The following SORCS3 variants were observed in gnomAD, a reference collection of about 807,000 sequenced individuals.
The protein encoded by SORCS3 is VPS10 domain-containing receptor SorCS3.
In SORCS3, 57 loss-of-function variants were observed where a neutral mutation model predicts 146.3. That is an observed-to-expected ratio of 0.39 (90% CI 0.31 to 0.49). The LOEUF is 0.49. Among genes scored for constraint, SORCS3 ranks in the 20% least tolerant of loss-of-function variants. SORCS3 has a pLI of 0.92. For missense variants in SORCS3, 1,341 were observed against 1,575.5 expected, an observed-to-expected ratio of 0.85 and a Z score of 2.52; for synonymous variants, 653 against 618.5, an observed-to-expected ratio of 1.06 and a Z score of -0.83.
chr10:104,982,389 G>C (rs1292302799), intron 4 of SORCS3, among the ~76,000 whole-genome samples: 1 of 152,156 alleles, frequency 6.6e-6, no homozygotes, highest in Admixed American at 6.5e-5. Context: ...TAATTTTGTT[G>C]AGATCCTCCA....
intron 1 of SORCS3, among the ~76,000 whole-genome samples, chr10:104,714,247 T>G (rs2016451623): frequency 6.6e-6 from 1 of 152,114 alleles, no homozygotes; most frequent in Non-Finnish European, 1.5e-5. Flanking sequence ...GTTTTCAAGT[T>G]CACTGAATTT....
chr10:105,090,802 A>C (rs1382869782), intron 6 of SORCS3, among the ~76,000 whole-genome samples: 1 of 152,074 alleles, frequency 6.6e-6, no homozygotes, highest in Admixed American at 6.5e-5. Flanking sequence ...AATCAAATAG[A>C]AGATGAATAT....
intron 2 of SORCS3, among the ~76,000 whole-genome samples, chr10:104,886,763 G>C (rs2018692919): frequency 6.6e-6 from 1 of 152,124 alleles, no homozygotes; most frequent in South Asian, 2.1e-4. Context: ...GAAAATATTT[G>C]TTCCTAGACT....
chr10:104,790,321 A>T (rs929345676), intron 1 of SORCS3, among the ~76,000 whole-genome samples: 4 of 150,998 alleles, frequency 2.6e-5, no homozygotes, highest in Non-Finnish European at 5.9e-5. Flanking sequence ...ATGGAGAAGT[A>T]AGAGAAGAGG....
chr10:104,943,945 G>T (rs1462679063), intron 3 of SORCS3, among the ~76,000 whole-genome samples: 3 of 152,064 alleles, frequency 2.0e-5, no homozygotes, highest in East Asian at 1.9e-4. Flanking sequence ...TTGAGATGGG[G>T]TCTTGCTCTG....
intron 1 of SORCS3, among the ~76,000 whole-genome samples, chr10:104,821,405 A>C (rs2017871338): frequency 1.3e-5 from 2 of 152,184 alleles, no homozygotes; most frequent in South Asian, 4.1e-4. Flanking sequence ...GCTGGCAGGC[A>C]GAGAAGGGCA....
At chr10:104,673,496 C>T (rs1336967247) in intron 1 of SORCS3, among the ~76,000 whole-genome samples, 1 of 152,004 alleles carries the variant, frequency 6.6e-6, no homozygotes, top group African/African-American at 2.4e-5. Context: ...CAGAGTCTCA[C>T]TCTGTTGCCC....
At chr10:104,958,726 T>C (rs940822968) in intron 3 of SORCS3, among the ~76,000 whole-genome samples, 2 of 152,118 alleles carry the variant, frequency 1.3e-5, no homozygotes, top group Non-Finnish European at 2.9e-5. Flanking sequence ...ATTTATAAAT[T>C]ACTGAGTAAT....
intron 4 of SORCS3, among the ~76,000 whole-genome samples, chr10:105,021,670 A>G (rs767046311): frequency 1.3e-5 from 2 of 152,194 alleles, no homozygotes; most frequent in Non-Finnish European, 2.9e-5. Context: ...TACATACCGC[A>G]TAATATAACA....
intron 1 of SORCS3, among the ~76,000 whole-genome samples, chr10:104,683,884 C>T (rs17184165): frequency 0.072 from 10,984 of 152,194 alleles, 527 homozygotes; most frequent in Admixed American, 0.12. Context: ...GCTGGGGATA[C>T]AAGATAGTAA....
At chr10:105,017,240 C>T (rs929852812) in intron 4 of SORCS3, among the ~76,000 whole-genome samples, 10 of 151,882 alleles carry the variant, frequency 6.6e-5, no homozygotes, top group African/African-American at 1.9e-4. Context: ...ATGGAGGTCC[C>T]CACACAGGAA....
chr10:104,934,185 A>G (rs1046299568), intron 3 of SORCS3, among the ~76,000 whole-genome samples: 1 of 152,136 alleles, frequency 6.6e-6, no homozygotes, highest in Non-Finnish European at 1.5e-5. Flanking sequence ...CCAAAGCGCT[A>G]TGGCAGCCAA....
At chr10:104,940,238 ATTTTTTT>A (rs1186082602) in intron 3 of SORCS3, among the ~76,000 whole-genome samples, 1,138 of 31,342 alleles carry the variant, frequency 0.036, 18 homozygotes, top group African/African-American at 0.11. Context: ...ATATATATAT[ATTTTTTT>A]TTTTTTTTTT....
chr10:105,245,738 C>A, intron 21 of SORCS3, 73 bp downstream of exon 21: 1 of 1,524,898 alleles, frequency 6.6e-7, no homozygotes, highest in Non-Finnish European at 8.9e-7. Context: ...TCCCTACAAT[C>A]ATTGAGTGTG....
rs546385700 is a variant in SORCS3, at chr10:104,892,592, G to A, written c.696-23241G>A. Among the ~76,000 whole-genome samples, 52 of 152,166 alleles carry A rather than the reference G, an allele frequency of 3.4e-4. 1 individual carries two copies. The highest frequency in any genetic ancestry group is 3.3e-3 in the East Asian group (17 of 5,174). On this transcript the variant is annotated intron_variant, in intron 2 of 26. Coordinates refer to ENST00000369701, the MANE Select transcript of SORCS3 (RefSeq NM_014978.3). ...CAAAAAATTAGCAGGGCGTGGTGGC[G>A]TGTGCCTGTAGTCCCAGCTGCTTGG...
chr10:104,874,977 A>T, intron 2 of SORCS3, among the ~76,000 whole-genome samples: 1 of 152,158 alleles, frequency 6.6e-6, no homozygotes. Context: ...ATGTGATCAC[A>T]GTCTCCTATT....
intron 1 of SORCS3, among the ~76,000 whole-genome samples, chr10:104,808,556 A>G (rs1333874626): frequency 6.6e-6 from 1 of 152,176 alleles, no homozygotes; most frequent in Non-Finnish European, 1.5e-5. Flanking sequence ...GATGGAGGGA[A>G]AAACATGTGT....
chr10:105,200,552 G>A (rs1238343837), intron 15 of SORCS3, among the ~76,000 whole-genome samples: 1 of 152,144 alleles, frequency 6.6e-6, no homozygotes, highest in East Asian at 1.9e-4. Flanking sequence ...GGGTGGGTAG[G>A]TCTAGCAATG....
intron 23 of SORCS3, among the ~76,000 whole-genome samples, chr10:105,255,211 A>T (rs1287101101): frequency 1.3e-5 from 2 of 150,612 alleles, no homozygotes; most frequent in African/African-American, 2.4e-5. Flanking sequence ...AAAAAAAAAA[A>T]GTGGATCTGC....
Sources: gnomAD v4.1 joint callset for allele counts (sites outside exome capture counted in the v4.1 genomes callset) on GRCh38, gnomAD v4.1.1 for gene constraint, MANE v1.5 for transcripts, NCBI Gene and HGNC (gene_info 2026-07-23, HGNC 2026-07-21) for gene names.